Variants in CARMIL1 observed in about 807,000 individuals in gnomAD.
CARMIL1 encodes F-actin-uncapping protein LRRC16A.
In CARMIL1, 90 loss-of-function variants were observed where a neutral mutation model predicts 177.1. That is an observed-to-expected ratio of 0.51 (90% CI 0.43 to 0.61). The LOEUF (loss-of-function observed/expected upper bound fraction) is 0.61, where lower values mean the gene tolerates loss of function less well. Among genes scored for constraint, CARMIL1 ranks in the 20% least tolerant of loss-of-function variants. CARMIL1 has a pLI of 0.00. For missense variants in CARMIL1, 1,380 were observed against 1,667.0 expected (o/e 0.83, Z 3.00); for synonymous variants, 577 against 606.2 (o/e 0.95, Z 0.71).
intron 2 of CARMIL1, among the ~76,000 whole-genome samples, chr6:25,304,261 A>G (rs1425921840): frequency 6.6e-6 from 1 of 152,186 alleles, no homozygotes; most frequent in Non-Finnish European, 1.5e-5. Context: ...CACTCATAGA[A>G]TGTGCTTATT....
chr6:25,358,281 T>C (rs1471973147), intron 2 of CARMIL1, among the ~76,000 whole-genome samples: 1 of 152,208 alleles, frequency 6.6e-6, no homozygotes, highest in Admixed American at 6.5e-5. Flanking sequence ...AGCATTGTAA[T>C]TGGCTTATAC....
chr6:25,379,030 T>G (rs1258329021), intron 2 of CARMIL1, among the ~76,000 whole-genome samples: 1 of 152,104 alleles, frequency 6.6e-6, no homozygotes, highest in Non-Finnish European at 1.5e-5. Flanking sequence ...CACAGCAAAT[T>G]TAAAACTTTA....
chr6:25,528,960 C>A, intron 24 of CARMIL1, 67 bp downstream of exon 24: 1 of 1,219,630 alleles, frequency 8.2e-7, no homozygotes, highest in Non-Finnish European at 1.2e-6. Flanking sequence ...CAAAGGACTT[C>A]TAGCATTCGA....
At chr6:25,290,703 C>T (rs1581458698) in intron 2 of CARMIL1, among the ~76,000 whole-genome samples, 1 of 152,126 alleles carries the variant, frequency 6.6e-6, no homozygotes, top group African/African-American at 2.4e-5. Flanking sequence ...ACAAATCGAA[C>T]TATTCTGTTT....
intron 35 of CARMIL1, among the ~76,000 whole-genome samples, chr6:25,607,740 A>G (rs3804110): frequency 0.65 from 99,411 of 152,014 alleles, 32,876 homozygotes; most frequent in East Asian, 0.83. Flanking sequence ...GTTCCGTCAC[A>G]TATTTTTTTT....
At chr6:25,322,239 C>T (rs1338546197) in intron 2 of CARMIL1, among the ~76,000 whole-genome samples, 2 of 152,194 alleles carry the variant, frequency 1.3e-5, no homozygotes, top group Non-Finnish European at 2.9e-5. Context: ...TCTTGTGCCT[C>T]AGCGTTCTGA....
At chr6:25,594,808 A>G (rs1814659744) in intron 32 of CARMIL1, among the ~76,000 whole-genome samples, 1 of 152,190 alleles carries the variant, frequency 6.6e-6, no homozygotes, top group Non-Finnish European at 1.5e-5. Flanking sequence ...ATGCTGAGGC[A>G]TGCTCCAGTT....
intron 35 of CARMIL1, among the ~76,000 whole-genome samples, chr6:25,608,623 A>G (rs1369817356): frequency 6.6e-6 from 1 of 152,238 alleles, no homozygotes; most frequent in African/African-American, 2.4e-5. Context: ...TAATAAACCT[A>G]TGTTTTTATA....
chr6:25,353,608 C>T (rs537004673), intron 2 of CARMIL1, among the ~76,000 whole-genome samples: 2 of 152,286 alleles, frequency 1.3e-5, no homozygotes, highest in Middle Eastern at 6.8e-3. Context: ...GCTTAGCTAG[C>T]CTTTTATAAT....
chr6:25,602,459 T>C (rs781256051), intron 33 of CARMIL1, among the ~76,000 whole-genome samples: 21 of 152,264 alleles, frequency 1.4e-4, no homozygotes, highest in Non-Finnish European at 2.5e-4. Context: ...TGACATTTAC[T>C]AGAGTGTTTT....
At chr6:25,464,465 G>A (rs755312348) in intron 8 of CARMIL1, among the ~76,000 whole-genome samples, 1 of 152,140 alleles carries the variant, frequency 6.6e-6, no homozygotes, top group Non-Finnish European at 1.5e-5. Context: ...ACTGGTATAT[G>A]TAGAGTGCCA....
chr6:25,431,263 A>AGT (rs71717418), intron 4 of CARMIL1, among the ~76,000 whole-genome samples: 6,892 of 148,790 alleles, frequency 0.046, 362 homozygotes, highest in African/African-American at 0.13. Context: ...CTACAAAGAA[A>AGT]GTGTGTGTGT....
chr6:25,535,577 A>G (rs778689047), intron 24 of CARMIL1, among the ~76,000 whole-genome samples: 6 of 152,208 alleles, frequency 3.9e-5, no homozygotes, highest in Non-Finnish European at 5.9e-5. Context: ...ACTGAACACT[A>G]TAGGGTTAGG....
chr6:25,506,782 A>T (rs1265858194), intron 17 of CARMIL1, among the ~76,000 whole-genome samples: 1 of 152,202 alleles, frequency 6.6e-6, no homozygotes, highest in Non-Finnish European at 1.5e-5. Context: ...AAAGAATAGC[A>T]GATAATTTGG....
At chr6:25,342,927 C>T (rs77108175) in intron 2 of CARMIL1, among the ~76,000 whole-genome samples, 7 of 152,346 alleles carry the variant, frequency 4.6e-5, no homozygotes, top group African/African-American at 9.6e-5. Flanking sequence ...TCTAATAATC[C>T]TGTCAGGAAA....
chr6:25,325,199 C>T (rs1026123581), intron 2 of CARMIL1, among the ~76,000 whole-genome samples: 1 of 152,026 alleles, frequency 6.6e-6, no homozygotes, highest in Non-Finnish European at 1.5e-5. Context: ...TTGAGCTGTG[C>T]CCTGAGATGA....
chr6:25,411,610 T>C (rs377295621), intron 2 of CARMIL1, among the ~76,000 whole-genome samples: 1 of 152,198 alleles, frequency 6.6e-6, no homozygotes, highest in East Asian at 1.9e-4. Flanking sequence ...CAACTTGCAA[T>C]AGTGTGACTT....
chr6:25,474,922 G>GA (rs964876768), intron 11 of CARMIL1, among the ~76,000 whole-genome samples: 59 of 152,308 alleles, frequency 3.9e-4, no homozygotes, highest in African/African-American at 1.2e-3. Context: ...GATGGACCAG[G>GA]AAGGGGACAC....
At chr6:25,542,206 C>T (rs1003878119) in intron 26 of CARMIL1, among the ~76,000 whole-genome samples, 9 of 152,294 alleles carry the variant, frequency 5.9e-5, no homozygotes, top group African/African-American at 1.9e-4. Flanking sequence ...CTGGTCTAAA[C>T]GACAAACCAC....
Sources: gnomAD v4.1 joint callset for allele counts (sites outside exome capture counted in the v4.1 genomes callset) on GRCh38, gnomAD v4.1.1 for gene constraint, MANE v1.5 for transcripts, NCBI Gene and HGNC (gene_info 2026-07-23, HGNC 2026-07-21) for gene names.